ERICH6B: variants seen among roughly 807,000 people sequenced by gnomAD.
ERICH6B encodes glutamate-rich protein 6B.
In ERICH6B, 69 loss-of-function variants were observed where a neutral mutation model predicts 80.0. The observed-to-expected ratio is 0.86, with a 90% CI of 0.71 to 1.05. ERICH6B has a LOEUF of 1.05. Among genes scored for constraint, ERICH6B ranks in the 50% least tolerant of loss-of-function variants. The probability of loss-of-function intolerance (pLI) is 0.00; values close to 1 mark genes in which losing one functional copy is unlikely to be tolerated. For missense variants in ERICH6B, 754 were observed against 796.1 expected (o/e 0.95, Z 0.64); for synonymous variants, 283 against 291.9 (o/e 0.97, Z 0.31).
chr13:45,541,707 G>A (rs1326116944), intron 14 of ERICH6B, 27 bp from the exon 15 acceptor site: 15 of 1,545,998 alleles, frequency 9.7e-6, no homozygotes, highest in Admixed American at 5.9e-5. Flanking sequence ...AGGACTGGGT[G>A]AGAATGCATG....
intron 2 of ERICH6B, among the ~76,000 whole-genome samples, chr13:45,607,149 C>T (rs1949871997): frequency 6.6e-6 from 1 of 152,098 alleles, no homozygotes; most frequent in African/African-American, 2.4e-5. Flanking sequence ...AGCTTTTAGT[C>T]CCACTTCCAT....
At chr13:45,573,172 T>C (rs1260490838) in intron 8 of ERICH6B, among the ~76,000 whole-genome samples, 1 of 152,180 alleles carries the variant, frequency 6.6e-6, no homozygotes, top group Non-Finnish European at 1.5e-5. Flanking sequence ...TATATTTATA[T>C]GTACACACAC....
In ERICH6B at chr13:45,590,673, T is replaced by C. The variant is rs751604519; in HGVS notation, c.662A>G (p.Gln221Arg). 5 of 1,551,702 alleles carry C rather than the reference T, an allele frequency of 3.2e-6. No individual in the cohort carries two copies. In the South Asian group the frequency reaches 6.0e-5, roughly 19 times the overall value. Residue 221 changes from glutamine (Q) to arginine (R), a missense_variant, in exon 4 of 15, where the codon CAA (glutamine) becomes CGA (arginine). Coordinates refer to ENST00000298738, the MANE Select transcript of ERICH6B (RefSeq NM_182542.3). ...LKEPKASYSS[Q>R]TMLLRDARSP... is the part of the protein sequence containing the mutation. ...CCTTGCATCACGAAGAAGCATGGTT[T>C]GTGATGAATAACTTGCCTTGGGTTC...
intron 9 of ERICH6B, among the ~76,000 whole-genome samples, chr13:45,567,233 TG>T (rs1165550986): frequency 3.3e-5 from 5 of 152,224 alleles, no homozygotes; most frequent in African/African-American, 1.2e-4. Flanking sequence ...AGAAGGGACT[TG>T]CCTTGTCTCA....
chr13:45,585,078 G>A (rs184068195), intron 5 of ERICH6B, among the ~76,000 whole-genome samples: 2 of 152,344 alleles, frequency 1.3e-5, no homozygotes, highest in Admixed American at 1.3e-4. Flanking sequence ...ACACTGCTCA[G>A]TGCTCCTTGG....
intron 2 of ERICH6B, among the ~76,000 whole-genome samples, chr13:45,602,989 C>G (rs1477545591): frequency 6.6e-6 from 1 of 152,210 alleles, no homozygotes; most frequent in East Asian, 1.9e-4. Flanking sequence ...CATCTGCAAG[C>G]TGGAGAATCA....
Position 45,596,718 on chromosome 13 carries a change from C to T in ERICH6B, c.288G>A (p.Glu96=), listed in dbSNP as rs371834583. ...LGKEEHLEEE[E]YLEKAGYLEE... Reference sequence around the variant, plus strand: ...CCAGATACCCTGCCTTCTCCAGATACTCTTCCTCCTCCAGATGCTCTTCCT... The same window carrying T: ...CCAGATACCCTGCCTTCTCCAGATATTCTTCCTCCTCCAGATGCTCTTCCT... The change falls in exon 3 of 15, where the codon GAG becomes GAA. Residue 96 remains glutamate (E), a synonymous_variant. Coordinates refer to ENST00000298738, the MANE Select transcript of ERICH6B (RefSeq NM_182542.3). 178 of 1,551,680 alleles carry T rather than the reference C, an allele frequency of 1.1e-4. 1 individual carries two copies. Among genetic ancestry groups the T allele is most frequent in the Non-Finnish European group, 1.6e-5 (18 of 1,147,030 alleles).
chr13:45,552,407 C>G (rs1356886403), intron 11 of ERICH6B, among the ~76,000 whole-genome samples: 1 of 151,992 alleles, frequency 6.6e-6, no homozygotes, highest in East Asian at 1.9e-4. Context: ...GTAGTTTTCT[C>G]TTTATTTCTG....
rs755055600 is a variant in ERICH6B, at chr13:45,587,085, G to A, written c.834C>T (p.Asp278=). ...CACCGGCAGTTCTGTCGTAGCACCA[G>A]TCTGTCTGACTGGCCTGGCTCCTCC... ...LYRRSQASQT[D]WCYDRTAVKS... Residue 278 remains aspartate (D), a synonymous_variant, in exon 5 of 15, where the codon GAC becomes GAT. Coordinates refer to ENST00000298738, the MANE Select transcript of ERICH6B (RefSeq NM_182542.3). 1.3e-6 allele frequency: 2 copies of A among 1,551,700 alleles called. No individual in the cohort carries two copies. Among genetic ancestry groups the A allele is most frequent in the South Asian group, 2.4e-5 (2 of 84,042 alleles).
rs367721772 is a variant in ERICH6B, at chr13:45,543,336, G to C, written c.1872+1424C>G. Among the ~76,000 whole-genome samples, 5 of 152,276 alleles carry C rather than the reference G, an allele frequency of 3.3e-5. No individual in the cohort carries two copies. In the East Asian group the frequency reaches 9.7e-4, roughly 29 times the overall value. ...GTAGGTGGAACTGTGTCCCCCAAAAGTGATGTCCAAGTCCTAACCCCAGTG... is the reference window on the plus strand; with the variant it reads ...GTAGGTGGAACTGTGTCCCCCAAAACTGATGTCCAAGTCCTAACCCCAGTG... On this transcript the variant is annotated intron_variant, in intron 14 of 14. Transcript: ENST00000298738.
intron 13 of ERICH6B, among the ~76,000 whole-genome samples, chr13:45,547,929 C>G (rs1874054677): frequency 6.6e-6 from 1 of 152,182 alleles, no homozygotes; most frequent in African/African-American, 2.4e-5. Flanking sequence ...GCTAAGTCCC[C>G]CTTTGGAAGA....
At chr13:45,595,146 C>T (rs756801514) in intron 3 of ERICH6B, among the ~76,000 whole-genome samples, 5 of 152,140 alleles carry the variant, frequency 3.3e-5, no homozygotes, top group African/African-American at 4.8e-5. Context: ...AGAAGCATAC[C>T]AGTGTCTGTT....
intron 14 of ERICH6B, among the ~76,000 whole-genome samples, chr13:45,543,768 C>T (rs1329223946): frequency 1.3e-5 from 2 of 152,134 alleles, no homozygotes; most frequent in Non-Finnish European, 1.5e-5. Context: ...CAGCATTGGT[C>T]GTCTCCTGCC....
chr13:45,587,432 G>A (rs1301739176), intron 4 of ERICH6B, among the ~76,000 whole-genome samples, 200 bp from the exon 5 acceptor site: 11 of 152,154 alleles, frequency 7.2e-5, no homozygotes, highest in African/African-American at 4.8e-5. Context: ...ACACATTGCC[G>A]CTGCTGCTTC....
At chr13:45,610,221 C>T (rs1949891660) in intron 1 of ERICH6B, among the ~76,000 whole-genome samples, 1 of 152,052 alleles carries the variant, frequency 6.6e-6, no homozygotes, top group African/African-American at 2.4e-5. Context: ...AGGTTTTTTT[C>T]ATGTCTGACA....
chr13:45,603,728 G>A (rs1421050668), intron 2 of ERICH6B, among the ~76,000 whole-genome samples: 1 of 152,116 alleles, frequency 6.6e-6, no homozygotes, highest in East Asian at 1.9e-4. Context: ...CCCGTTCCTA[G>A]CACTTTCCAT....
intron 11 of ERICH6B, among the ~76,000 whole-genome samples, chr13:45,558,600 A>G (rs925367390): frequency 2.0e-5 from 3 of 152,196 alleles, no homozygotes; most frequent in African/African-American, 7.2e-5. Flanking sequence ...ACATTGAGGT[A>G]TGTCCCTGGT....
chr13:45,607,867 C>T (rs563546348), intron 1 of ERICH6B, among the ~76,000 whole-genome samples: 116 of 152,240 alleles, frequency 7.6e-4, no homozygotes, highest in Middle Eastern at 3.4e-3. Flanking sequence ...AATGGCATCA[C>T]CAATCTGTGC....
At chr13:45,545,071 C>T in intron 13 of ERICH6B, 86 bp from the exon 14 acceptor site, 3 of 1,141,080 alleles carry the variant, frequency 2.6e-6, no homozygotes, top group Non-Finnish European at 3.7e-6. Flanking sequence ...TTCTTTTCCC[C>T]TACTTGGCAC....
Sources: allele counts gnomAD v4.1 joint callset (sites outside exome capture counted in the v4.1 genomes callset), GRCh38; gene constraint gnomAD v4.1.1; transcripts MANE v1.5; gene names NCBI Gene and HGNC (gene_info 2026-07-23, HGNC 2026-07-21).